The following CCDC7 variants were observed in gnomAD, a reference collection of about 807,000 sequenced individuals.
CCDC7 encodes coiled-coil domain containing 7.
In CCDC7, 183 loss-of-function variants were observed where a neutral mutation model predicts 196.9. The observed-to-expected ratio is 0.93, with a 90% CI of 0.82 to 1.05. The LOEUF is 1.05. Among genes scored for constraint, CCDC7 ranks in the 50% least tolerant of loss-of-function variants. CCDC7 has a pLI of 0.00. For synonymous variants in CCDC7, 525 were observed against 484.6 expected, an observed-to-expected ratio of 1.08 and a Z score of -1.10; for missense variants, 1,540 against 1,482.2, an observed-to-expected ratio of 1.04 and a Z score of -0.64.
At chr10:32,805,143 C>A in intron 30 of CCDC7, 45 bp downstream of exon 31, 3 of 1,405,100 alleles carry the variant, frequency 2.1e-6, no homozygotes, top group Non-Finnish European at 3.0e-6. Flanking sequence ...TTATTTTTCT[C>A]CTTCAAAGTT....
At chr10:32,842,174 T>C (rs1234613604) in intron 33 of CCDC7, among the ~76,000 whole-genome samples, 1 of 151,400 alleles carries the variant, frequency 6.6e-6, no homozygotes, top group African/African-American at 2.4e-5. Context: ...ACCCTCAGAG[T>C]GGCAGAAAAT....
chr10:32,573,686 A>T (rs550112026), intron 16 of CCDC7, among the ~76,000 whole-genome samples: 1 of 152,354 alleles, frequency 6.6e-6, no homozygotes, highest in East Asian at 1.9e-4. Flanking sequence ...GATTAAAAAA[A>T]TCATAGAATG....
At chr10:32,482,859 TG>T (rs1210915080) in intron 8 of CCDC7, among the ~76,000 whole-genome samples, 17 of 152,338 alleles carry the variant, frequency 1.1e-4, no homozygotes, top group East Asian at 9.6e-4. Flanking sequence ...TAGTATTCCA[TG>T]GTGTATACAT....
chr10:32,451,706 A>G lies in CCDC7; in HGVS notation c.64A>G (p.Thr22Ala), dbSNP rs148905360. The G allele has an allele frequency of 3.3e-4, 537 of 1,613,986 alleles. 1 individual carries two copies. In the Middle Eastern group the frequency reaches 3.6e-3, roughly 11 times the overall value. The change falls in exon 1 of 42, where the codon ACT becomes GCT. Residue 22 changes from threonine (T) to alanine (A), a missense_variant. Coordinates refer to ENST00000639629, the Ensembl canonical transcript of CCDC7. ...ATCGGCAAATGTTCCAGCATTAACT[A>G]CTAAAAAAGGACTACATAATTTACC... is the stretch of plus-strand genomic sequence containing the variant.
intron 24 of CCDC7, among the ~76,000 whole-genome samples, chr10:32,704,973 T>A (rs1291487706): frequency 2.0e-5 from 3 of 152,160 alleles, no homozygotes; most frequent in Non-Finnish European, 4.4e-5. Context: ...GGTGAGGCGA[T>A]GCCTCGCCCT....
chr10:32,700,759 G>C (rs566111544), intron 24 of CCDC7, among the ~76,000 whole-genome samples: 1 of 152,296 alleles, frequency 6.6e-6, no homozygotes, highest in Non-Finnish European at 1.5e-5. Context: ...TCTCCTTGAA[G>C]AGGTCCTTCA....
chr10:32,508,515 C>T (rs145047759), intron 9 of CCDC7, among the ~76,000 whole-genome samples: 42 of 152,320 alleles, frequency 2.8e-4, no homozygotes, highest in African/African-American at 1.0e-3. Flanking sequence ...ATACCAATGA[C>T]ATTTTTCACA....
At chr10:32,669,639 T>C (rs1252078220) in intron 21 of CCDC7, among the ~76,000 whole-genome samples, 4 of 152,188 alleles carry the variant, frequency 2.6e-5, no homozygotes, top group African/African-American at 9.6e-5. Flanking sequence ...ATTATTCATT[T>C]CTTCACGGTT....
At chr10:32,450,283 C>G (rs1284525021), upstream of CCDC7, among the ~76,000 whole-genome samples, 1 of 152,186 alleles carries the variant, frequency 6.6e-6, no homozygotes, top group Non-Finnish European at 1.5e-5. Context: ...CTGCCTGTCG[C>G]TATATGGTCT....
At chr10:32,479,563 G>A in intron 8 of CCDC7, among the ~76,000 whole-genome samples, 1 of 152,116 alleles carries the variant, frequency 6.6e-6, no homozygotes, top group East Asian at 1.9e-4. Flanking sequence ...GTCCCACTTG[G>A]TCATAGTGAA....
At position 32,503,579 on chromosome 10, in the gene CCDC7, ATTTTC is replaced by A. The variant is rs1160474031; in HGVS notation, c.872+11590_872+11594del. Reference sequence around the variant, plus strand: ...TTTACATCTATATTCATCAGGGATAATTTTCTTTTCTTGTGATGTCCATGTCTGAC... The same window carrying A: ...TTTACATCTATATTCATCAGGGATAATTTTCTTGTGATGTCCATGTCTGAC... On this transcript the variant is annotated intron_variant, in intron 9 of 41. Coordinates refer to ENST00000639629, the Ensembl canonical transcript of CCDC7. Among the ~76,000 whole-genome samples, 4 of 152,168 alleles carry A rather than the reference ATTTTC, an allele frequency of 2.6e-5. No homozygotes were observed. The East Asian group carries it at 7.7e-4, about 29-fold the overall frequency.
chr10:32,870,504 G>A (rs1386975158), intron 41 of CCDC7, among the ~76,000 whole-genome samples: 21 of 152,252 alleles, frequency 1.4e-4, no homozygotes, highest in Middle Eastern at 6.8e-3. Context: ...GGGCTGAGAT[G>A]ATGGGGTTTT....
At chr10:32,764,069 A>T (rs1365997437) in intron 28 of CCDC7, among the ~76,000 whole-genome samples, 6 of 151,914 alleles carry the variant, frequency 3.9e-5, no homozygotes, top group Non-Finnish European at 8.8e-5. Flanking sequence ...TACCCCATAA[A>T]TATATACAAT....
chr10:32,846,913 A>G (rs962902371), intron 37 of CCDC7, among the ~76,000 whole-genome samples: 3 of 152,200 alleles, frequency 2.0e-5, no homozygotes, highest in African/African-American at 7.2e-5. Flanking sequence ...CTCACCTGCA[A>G]TACAGTACTT....
intron 18 of CCDC7, among the ~76,000 whole-genome samples, chr10:32,590,501 T>C (rs2059684197): frequency 6.6e-6 from 1 of 152,184 alleles, no homozygotes; most frequent in Admixed American, 6.5e-5. Context: ...TTAGTCTTTC[T>C]ACTTAAGAGT....
In CCDC7 at chr10:32,749,168, C is replaced by T. The variant is rs192762205; in HGVS notation, c.2905+19711C>T. Among the ~76,000 whole-genome samples, 34 of 152,258 alleles carry T rather than the reference C, an allele frequency of 2.2e-4. No individual in the cohort carries two copies. In the South Asian group the frequency reaches 5.6e-3, roughly 25 times the overall value. ...TTGGGGGCAGCAGTTTGCCCTGTGA[C>T]GTCTTTTCTATGAAGTATCTAAGAA... On this transcript the variant is annotated intron_variant, in intron 28 of 41. Transcript: ENST00000639629.
chr10:32,644,037 A>G (rs2067320551), intron 20 of CCDC7, among the ~76,000 whole-genome samples: 2 of 152,056 alleles, frequency 1.3e-5, no homozygotes, highest in Non-Finnish European at 2.9e-5. Flanking sequence ...ATTGTAGTCT[A>G]AGCCTCTCTT....
chr10:32,565,683 T>C (rs2056669768), intron 14 of CCDC7, 63 bp downstream of exon 15: 1 of 1,534,620 alleles, frequency 6.5e-7, no homozygotes, highest in Non-Finnish European at 8.8e-7. Flanking sequence ...CAAAGAACTT[T>C]TCAAATGAAT....
intron 9 of CCDC7, 21 bp downstream of exon 10, chr10:32,492,018 A>G: frequency 2.0e-6 from 3 of 1,506,308 alleles, no homozygotes; most frequent in African/African-American, 1.4e-5. Context: ...TTGTTTTTGC[A>G]TTTTATTATT....
Sources: gnomAD v4.1 joint callset for allele counts (sites outside exome capture counted in the v4.1 genomes callset) on GRCh38, gnomAD v4.1.1 for gene constraint, MANE v1.5 for transcripts, NCBI Gene and HGNC (gene_info 2026-07-23, HGNC 2026-07-21) for gene names.